CSMD1: variants seen among roughly 807,000 people sequenced by gnomAD.
CSMD1 encodes CUB and sushi domain-containing protein 1.
A neutral mutation model predicts 417.5 loss-of-function variants in CSMD1; 213 were observed. That is an observed-to-expected ratio of 0.51 (90% CI 0.46 to 0.57). The LOEUF is 0.57. Ranked by LOEUF, CSMD1 falls within the 20% of genes least tolerant of loss-of-function variation. The probability of loss-of-function intolerance (pLI) is 0.00; values close to 1 mark genes in which losing one functional copy is unlikely to be tolerated. For missense variants in CSMD1, 6,923 were observed against 4,529.7 expected (o/e 1.53, Z -15.17); for synonymous variants, 2,862 against 1,736.8 (o/e 1.65, Z -16.11).
intron 1 of CSMD1, among the ~76,000 whole-genome samples, chr8:4,954,578 A>T (rs2117300188): frequency 1.3e-5 from 2 of 152,324 alleles, no homozygotes; most frequent in African/African-American, 4.8e-5. Context: ...CATTTTATCT[A>T]CTTAGAACTT....
intron 57 of CSMD1, among the ~76,000 whole-genome samples, chr8:2,969,867 G>C (rs1804291190): frequency 6.6e-6 from 1 of 151,990 alleles, no homozygotes; most frequent in Non-Finnish European, 1.5e-5. Flanking sequence ...TGCCTTATTG[G>C]GTGTAACATA....
chr8:4,201,507 C>T (rs535289059), intron 3 of CSMD1, among the ~76,000 whole-genome samples: 10 of 124,922 alleles, frequency 8.0e-5, no homozygotes, highest in South Asian at 2.7e-4. Flanking sequence ...CACTGCCGTC[C>T]GGCCTAGGTA....
chr8:3,581,778 T>C (rs1800393096), intron 9 of CSMD1, among the ~76,000 whole-genome samples: 1 of 152,116 alleles, frequency 6.6e-6, no homozygotes, highest in African/African-American at 2.4e-5. Context: ...ATCAGGAAAA[T>C]TCAAAACTAT....
chr8:4,580,044 C>T (rs2725065), intron 2 of CSMD1, among the ~76,000 whole-genome samples: 50,017 of 152,082 alleles, frequency 0.33, 8,580 homozygotes, highest in Non-Finnish European at 0.38. Context: ...CTGTGACCAA[C>T]CTACATGAGT....
At chr8:4,854,466 G>C (rs561645065) in intron 1 of CSMD1, among the ~76,000 whole-genome samples, 90 of 152,304 alleles carry the variant, frequency 5.9e-4, no homozygotes, top group African/African-American at 2.0e-3. Context: ...GAGCGACGCA[G>C]AAGACGGGTG....
intron 5 of CSMD1, among the ~76,000 whole-genome samples, chr8:3,846,313 A>G (rs1181689907): frequency 6.6e-6 from 1 of 152,170 alleles, no homozygotes; most frequent in East Asian, 1.9e-4. Context: ...CAGCTCCATG[A>G]GAATCTTATC....
intron 9 of CSMD1, among the ~76,000 whole-genome samples, chr8:3,585,812 C>T (rs7822174): frequency 0.34 from 51,580 of 151,950 alleles, 10,114 homozygotes; most frequent in Middle Eastern, 0.44. Context: ...GAAACCTTTC[C>T]GGCAGGTCCA....
chr8:3,682,108 T>G (rs1799695255), intron 7 of CSMD1, among the ~76,000 whole-genome samples: 1 of 152,140 alleles, frequency 6.6e-6, no homozygotes, highest in African/African-American at 2.4e-5. Flanking sequence ...ACCTAGGCAA[T>G]ACTATTCAGG....
intron 3 of CSMD1, among the ~76,000 whole-genome samples, chr8:4,192,004 A>G (rs1799060773): frequency 6.6e-6 from 1 of 152,210 alleles, no homozygotes; most frequent in South Asian, 2.1e-4. Flanking sequence ...CACTCGAAAT[A>G]TGCAAGCTTC....
At chr8:3,780,177 G>A (rs1040570430) in intron 5 of CSMD1, among the ~76,000 whole-genome samples, 2 of 152,160 alleles carry the variant, frequency 1.3e-5, no homozygotes, top group African/African-American at 4.8e-5. Context: ...CAATATGACA[G>A]GTTAAAAGTT....
At chr8:4,850,852 T>C (rs531479990) in intron 1 of CSMD1, among the ~76,000 whole-genome samples, 24 of 152,214 alleles carry the variant, frequency 1.6e-4, no homozygotes, top group African/African-American at 5.8e-4. Flanking sequence ...TTCAATAAAG[T>C]ATGTTTAGTC....
intron 4 of CSMD1, among the ~76,000 whole-genome samples, chr8:4,026,442 C>A (rs1421642973): frequency 6.6e-6 from 1 of 152,126 alleles, no homozygotes; most frequent in African/African-American, 2.4e-5. Flanking sequence ...ACTGTTATGT[C>A]AACTTTGACT....
At chr8:3,364,380 A>T (rs78900501) in intron 20 of CSMD1, among the ~76,000 whole-genome samples, 14,035 of 152,130 alleles carry the variant, frequency 0.092, 712 homozygotes, top group Middle Eastern at 0.16. Flanking sequence ...GGCTTTAGGT[A>T]TTATTTTCTA....
chr8:3,767,650 TATATG>T, intron 5 of CSMD1, among the ~76,000 whole-genome samples: 1 of 152,200 alleles, frequency 6.6e-6, no homozygotes, highest in Non-Finnish European at 1.5e-5. Flanking sequence ...ATGCATACTG[TATATG>T]ATATATGGTA....
chr8:3,808,730 C>G (rs559494563), intron 5 of CSMD1, among the ~76,000 whole-genome samples: 3 of 152,330 alleles, frequency 2.0e-5, no homozygotes, highest in African/African-American at 7.2e-5. Flanking sequence ...TCAACTCTCT[C>G]TCTTTCCTAG....
chr8:3,476,513 C>G (rs191066780), intron 11 of CSMD1, among the ~76,000 whole-genome samples: 1 of 152,114 alleles, frequency 6.6e-6, no homozygotes, highest in Admixed American at 6.6e-5. Context: ...AACTACCAAC[C>G]TATCTTCCAG....
rs868461328 is a variant in CSMD1, at chr8:4,646,487, T to C, written c.86-8929A>G. On this transcript the variant is annotated intron_variant, in intron 1 of 69. Coordinates refer to ENST00000635120, the MANE Select transcript of CSMD1 (RefSeq NM_033225.6). ...ATTTAAACTCTGAGATGTAAATTGA[T>C]GTAGTTTAATTGGGATACTATAGGA... Among the ~76,000 whole-genome samples the C allele has an allele frequency of 7.2e-5, 11 of 152,172 alleles. No individual in the cohort carries two copies. The South Asian group carries it at 1.0e-3, about 14-fold the overall frequency.
intron 1 of CSMD1, among the ~76,000 whole-genome samples, chr8:4,934,919 G>A (rs1807507226): frequency 6.6e-6 from 1 of 151,976 alleles, no homozygotes; most frequent in African/African-American, 2.4e-5. Flanking sequence ...GTATCAATCA[G>A]CAATCATCCA....
At chr8:4,506,328 C>T (rs1268901309) in intron 2 of CSMD1, among the ~76,000 whole-genome samples, 1 of 152,066 alleles carries the variant, frequency 6.6e-6, no homozygotes, top group African/African-American at 2.4e-5. Context: ...CCCACTGAAA[C>T]CCACGGTGGG....
Sources: gnomAD v4.1 joint callset for allele counts (sites outside exome capture counted in the v4.1 genomes callset) on GRCh38, gnomAD v4.1.1 for gene constraint, MANE v1.5 for transcripts, NCBI Gene and HGNC (gene_info 2026-07-23, HGNC 2026-07-21) for gene names.